Variants in ZFTRAF1 observed in about 807,000 individuals in gnomAD.
ZFTRAF1 encodes zinc finger TRAF-type-containing protein 1.
At chr8:144,450,178 GGGAGGCAGGGGTCGGGGGGGTGAGCC>G in the ZFTRAF1 span, 1 of 563,766 alleles carries the variant, frequency 1.8e-6, no homozygotes, top group Non-Finnish European at 3.2e-6. Context: ...TCGGAAGGAG[GGGAGGCAGGGGTCGGGGGGGTGAGCC>G]GGAGGCGGGG....
the ZFTRAF1 span, among the ~76,000 whole-genome samples, chr8:144,460,414 C>T: frequency 3.3e-5 from 5 of 152,338 alleles, no homozygotes; most frequent in East Asian, 5.8e-4. Context: ...CACTCTGTGC[C>T]GGGCCAGTCT....
chr8:144,460,232 G>C, the ZFTRAF1 span, among the ~76,000 whole-genome samples: 5 of 152,376 alleles, frequency 3.3e-5, no homozygotes, highest in African/African-American at 1.2e-4. Flanking sequence ...CCCCAGGCCA[G>C]GGAGGGCCAC....
the ZFTRAF1 span, among the ~76,000 whole-genome samples, chr8:144,459,544 C>A: frequency 6.6e-6 from 1 of 152,244 alleles, no homozygotes; most frequent in Non-Finnish European, 1.5e-5. Flanking sequence ...ATCGTACGGG[C>A]ACAGGCCCAT....
chr8:144,461,853 A>C, the ZFTRAF1 span, among the ~76,000 whole-genome samples: 2 of 152,102 alleles, frequency 1.3e-5, no homozygotes, highest in South Asian at 4.1e-4. Flanking sequence ...AGAATGGGGA[A>C]GGAGCTCTCG....
At chr8:144,462,232 G>T in the ZFTRAF1 span, 7 of 482,706 alleles carry the variant, frequency 1.5e-5, no homozygotes, top group Non-Finnish European at 2.5e-5. Flanking sequence ...GCCCCGCGGC[G>T]GGGGCTGCAG....
the ZFTRAF1 span, among the ~76,000 whole-genome samples, chr8:144,459,374 A>G: frequency 6.6e-6 from 1 of 152,250 alleles, no homozygotes; most frequent in South Asian, 2.1e-4. Context: ...CCAGTCCCCC[A>G]GAACATATCT....
chr8:144,451,890 G>C, the ZFTRAF1 span: 6 of 237,294 alleles, frequency 2.5e-5, no homozygotes, highest in Non-Finnish European at 5.1e-5. Flanking sequence ...ATGGCTTCGT[G>C]CCAGCCTTGA....
chr8:144,459,747 C>T, the ZFTRAF1 span, among the ~76,000 whole-genome samples: 1 of 152,202 alleles, frequency 6.6e-6, no homozygotes, highest in East Asian at 1.9e-4. Flanking sequence ...TCAGCATGGC[C>T]ACTCCCCTCT....
chr8:144,460,360 T>C, the ZFTRAF1 span, among the ~76,000 whole-genome samples: 2 of 152,186 alleles, frequency 1.3e-5, no homozygotes, highest in African/African-American at 4.8e-5. Flanking sequence ...CCAGCTAGGC[T>C]CAGAGGCCTG....
At chr8:144,462,367 G>GGCCGCC in the ZFTRAF1 span, 103 of 478,758 alleles carry the variant, frequency 2.2e-4, no homozygotes, top group African/African-American at 1.3e-3. Context: ...TCCCGCTGCC[G>GGCCGCC]GCCGCCGCCG....
the ZFTRAF1 span, among the ~76,000 whole-genome samples, chr8:144,461,894 G>C: frequency 6.6e-6 from 1 of 152,164 alleles, no homozygotes; most frequent in Non-Finnish European, 1.5e-5. Flanking sequence ...GGGAGCTTGG[G>C]ACCGGGTGGG....
At chr8:144,456,543 GCCACCTCTCC>G in the ZFTRAF1 span, 2 of 152,820 alleles carry the variant, frequency 1.3e-5, no homozygotes, top group Admixed American at 6.5e-5. Context: ...CCCAGGCCAG[GCCACCTCTCC>G]CCACCAGCCA....
At chr8:144,453,431 G>C in the ZFTRAF1 span, 4 of 1,551,110 alleles carry the variant, frequency 2.6e-6, no homozygotes, top group Non-Finnish European at 3.5e-6. Flanking sequence ...GGATAAAACA[G>C]CCAGCGCACA....
the ZFTRAF1 span, chr8:144,462,212 G>A: frequency 4.3e-6 from 2 of 462,130 alleles, no homozygotes; most frequent in Non-Finnish European, 7.6e-6. Context: ...GAGGAGACGC[G>A]GATCCTGGGG....
the ZFTRAF1 span, among the ~76,000 whole-genome samples, chr8:144,459,978 G>A: frequency 1.3e-5 from 2 of 152,340 alleles, no homozygotes; most frequent in South Asian, 4.1e-4. Flanking sequence ...GTGATGGCCA[G>A]CATGGGCCCA....
chr8:144,460,712 G>A, the ZFTRAF1 span, among the ~76,000 whole-genome samples: 8 of 152,194 alleles, frequency 5.3e-5, 1 homozygote, highest in East Asian at 1.9e-4. Context: ...GCGAAACCCC[G>A]TCTCTACTAA....
chr8:144,450,302 C>T, the ZFTRAF1 span: 1 of 663,422 alleles, frequency 1.5e-6, no homozygotes, highest in Admixed American at 2.1e-5. Flanking sequence ...TCCTGTGAAG[C>T]AGCTGCCAGC....
chr8:144,461,305 G>A, the ZFTRAF1 span, among the ~76,000 whole-genome samples: 13 of 152,354 alleles, frequency 8.5e-5, no homozygotes, highest in Admixed American at 5.2e-4. Context: ...AAAGCTGACA[G>A]AGAACCTGCT....
the ZFTRAF1 span, among the ~76,000 whole-genome samples, chr8:144,459,136 G>A: frequency 9.2e-5 from 14 of 152,208 alleles, no homozygotes; most frequent in Non-Finnish European, 1.5e-4. Flanking sequence ...CGGCTGCAAC[G>A]TCCCGGGCAC....
Sources: gnomAD v4.1 joint callset for allele counts (sites outside exome capture counted in the v4.1 genomes callset) on GRCh38, gnomAD v4.1.1 for gene constraint, MANE v1.5 for transcripts, NCBI Gene and HGNC (gene_info 2026-07-23, HGNC 2026-07-21) for gene names.